Variants in HSF5 observed in about 807,000 individuals in gnomAD.
HSF5 encodes heat shock factor protein 5.
In HSF5, 5 loss-of-function variants were observed where a neutral mutation model predicts 50.8. The ratio of observed to expected loss-of-function variants is 0.10; its 90% CI spans 0.05 to 0.21. The LOEUF (loss-of-function observed/expected upper bound fraction) is 0.21, where lower values mean the gene tolerates loss of function less well. Among genes scored for constraint, HSF5 ranks in the 10% least tolerant of loss-of-function variants. The pLI is 1.00. For synonymous variants in HSF5, 307 were observed against 307.4 expected, an observed-to-expected ratio of 1.00 and a Z score of 0.02; for missense variants, 564 against 762.6, an observed-to-expected ratio of 0.74 and a Z score of 3.07.
intron 5 of HSF5, among the ~76,000 whole-genome samples, chr17:58,440,263 C>CA (rs1247962389): frequency 6.6e-6 from 1 of 152,082 alleles, no homozygotes; most frequent in African/African-American, 2.4e-5. Context: ...TCTAGAGGGA[C>CA]AAATGTCAGA....
intron 5 of HSF5, among the ~76,000 whole-genome samples, chr17:58,427,344 T>A (rs928353642): frequency 1.8e-4 from 27 of 152,132 alleles, no homozygotes; most frequent in Non-Finnish European, 7.3e-5. Flanking sequence ...TAAAGAAAAT[T>A]TTAATTTAGT....
intron 5 of HSF5, among the ~76,000 whole-genome samples, chr17:58,432,115 C>G (rs1974372755): frequency 1.3e-5 from 2 of 151,844 alleles, no homozygotes; most frequent in Non-Finnish European, 1.5e-5. Context: ...CTGCATTTTT[C>G]CATAAATTTT....
chr17:58,468,522 C>T (rs945988473), intron 2 of HSF5, among the ~76,000 whole-genome samples: 1 of 152,098 alleles, frequency 6.6e-6, no homozygotes, highest in African/African-American at 2.4e-5. Flanking sequence ...GTGTCTTTAT[C>T]AATAAGGTGG....
At chr17:58,454,374 C>G (rs931382373) in intron 5 of HSF5, among the ~76,000 whole-genome samples, 1 of 152,144 alleles carries the variant, frequency 6.6e-6, no homozygotes, top group South Asian at 2.1e-4. Flanking sequence ...CCACAGCTAA[C>G]ATTACATTGA....
chr17:58,450,313 T>G (rs1166745023), intron 5 of HSF5, among the ~76,000 whole-genome samples: 1 of 112,286 alleles, frequency 8.9e-6, no homozygotes, highest in Non-Finnish European at 1.7e-5. Context: ...CACTCCAGCC[T>G]GGGTGAGAGA....
intron 1 of HSF5, among the ~76,000 whole-genome samples, chr17:58,482,060 G>A (rs956470199): frequency 3.9e-5 from 6 of 152,076 alleles, no homozygotes; most frequent in Non-Finnish European, 5.9e-5. Context: ...AACTATGATC[G>A]TGCCACTGCA....
chr17:58,463,674 C>T (rs1336411076), intron 3 of HSF5, among the ~76,000 whole-genome samples: 1 of 152,174 alleles, frequency 6.6e-6, no homozygotes, highest in African/African-American at 2.4e-5. Flanking sequence ...CTATCATATA[C>T]TGTTTCAGGA....
chr17:58,436,822 GA>G (rs941691530), intron 5 of HSF5, among the ~76,000 whole-genome samples: 8 of 145,892 alleles, frequency 5.5e-5, no homozygotes, highest in East Asian at 2.0e-4. Context: ...GGAAAGAGCA[GA>G]AAAAAAAAAC....
At chr17:58,452,107 A>AG (rs1015014986) in intron 5 of HSF5, among the ~76,000 whole-genome samples, 8 of 151,786 alleles carry the variant, frequency 5.3e-5, no homozygotes, top group African/African-American at 1.7e-4. Flanking sequence ...AAATTAGCCA[A>AG]GCATGGTGTC....
rs1000710638 is a variant in HSF5 at position 58,482,419 on chromosome 17, G to A, written c.551-2152C>T. Among the ~76,000 whole-genome samples the A allele has an allele frequency of 1.6e-3, 246 of 152,092 alleles. 1 individual carries two copies. The highest frequency in any genetic ancestry group is 4.0e-4 in the Non-Finnish European group (27 of 67,980). ...TTCAGACCAGCATGGGCAAAATGGT[G>A]AGATCCTGGCCAGGTACGGTGGCTC... On this transcript the variant is annotated intron_variant, in intron 1 of 5. Coordinates refer to ENST00000323777, the MANE Select transcript of HSF5 (RefSeq NM_001080439.3).
intron 2 of HSF5, chr17:58,476,535 A>G: frequency 7.3e-7 from 1 of 1,363,544 alleles, no homozygotes; most frequent in Non-Finnish European, 1.0e-6. Flanking sequence ...CTTTGGACAG[A>G]ACTTTATTTT....
chr17:58,470,710 G>A (rs947635237), intron 2 of HSF5, among the ~76,000 whole-genome samples: 9 of 152,098 alleles, frequency 5.9e-5, no homozygotes, highest in Admixed American at 3.9e-4. Flanking sequence ...GGCGGATCAC[G>A]AGGTCAGGAG....
rs751123455 is a variant in HSF5 at position 58,487,879 on chromosome 17, G to A, written c.396C>T (p.Ser132=). The A allele has an allele frequency of 2.5e-6, 4 of 1,606,994 alleles. No individual in the cohort carries two copies. The highest frequency in any genetic ancestry group is 1.1e-5 in the South Asian group (1 of 90,378). Residue 132 remains serine (S), a synonymous_variant, in exon 1 of 6, where the codon AGC becomes AGT. Coordinates refer to ENST00000323777, the MANE Select transcript of HSF5 (RefSeq NM_001080439.3). The stretch of plus-strand genomic sequence containing the variant: ...CGGCCGCCAGCTTGGCCTTGTTGGC[G>A]CTGGTGAGGCGCTTGAGGTGCACGA... The part of the protein sequence containing the change: ...QLLVHLKRLT[S]ANKAKLAAGL...
chr17:58,476,176 ATCT>A (rs1318471890), intron 2 of HSF5: 7 of 995,248 alleles, frequency 7.0e-6, no homozygotes, highest in Admixed American at 4.2e-5. Context: ...CTTCATCATC[ATCT>A]TCATCTTCTT....
chr17:58,451,240 G>T (rs1974637196), intron 5 of HSF5, among the ~76,000 whole-genome samples: 1 of 152,122 alleles, frequency 6.6e-6, no homozygotes, highest in South Asian at 2.1e-4. Flanking sequence ...AATAATAATA[G>T]TAGAGGACTT....
chr17:58,449,331 T>C (rs1974602677), intron 5 of HSF5, among the ~76,000 whole-genome samples: 1 of 152,172 alleles, frequency 6.6e-6, no homozygotes, highest in African/African-American at 2.4e-5. Flanking sequence ...TTAAAAGACA[T>C]AGAGTGGCTG....
intron 2 of HSF5, among the ~76,000 whole-genome samples, chr17:58,472,114 C>G (rs1378755118): frequency 1.3e-5 from 2 of 152,166 alleles, no homozygotes; most frequent in Non-Finnish European, 2.9e-5. Context: ...GCCTTGGCTT[C>G]CCAAAGTGCT....
At chr17:58,475,125 T>C (rs115916330) in intron 2 of HSF5, among the ~76,000 whole-genome samples, 1 of 152,300 alleles carries the variant, frequency 6.6e-6, no homozygotes, top group African/African-American at 2.4e-5. Context: ...AAACTCAATC[T>C]AGATGATTTT....
chr17:58,453,415 G>A (rs1301875072), intron 5 of HSF5, among the ~76,000 whole-genome samples: 4 of 152,008 alleles, frequency 2.6e-5, no homozygotes, highest in African/African-American at 7.2e-5. Flanking sequence ...CCAACACGGC[G>A]AAATCCTGTC....
Sources: gnomAD v4.1 joint callset for allele counts (sites outside exome capture counted in the v4.1 genomes callset) on GRCh38, gnomAD v4.1.1 for gene constraint, MANE v1.5 for transcripts, NCBI Gene and HGNC (gene_info 2026-07-23, HGNC 2026-07-21) for gene names.